The following IL1RAPL2 variants were observed in gnomAD, a reference collection of about 807,000 sequenced individuals.
IL1RAPL2 encodes interleukin 1 receptor accessory protein like 2, also known as X-linked interleukin-1 receptor accessory protein-like 2.
A neutral mutation model predicts 44.1 loss-of-function variants in IL1RAPL2; 3 were observed. That is an observed-to-expected ratio of 0.07 (90% CI 0.03 to 0.18). The LOEUF is 0.18. IL1RAPL2 is among the 10% of genes least tolerant of loss of function. IL1RAPL2 has a pLI of 1.00. For missense variants in IL1RAPL2, 391 were observed against 496.4 expected (o/e 0.79, Z 2.02); for synonymous variants, 181 against 178.8 (o/e 1.01, Z -0.10).
At chrX:104,568,558 T>G (rs951829425) in intron 1 of IL1RAPL2, among the ~76,000 whole-genome samples, 2 of 111,682 alleles carry the variant, frequency 1.8e-5, no homozygotes, top group Non-Finnish European at 3.8e-5. Flanking sequence ...TAGCCCACAA[T>G]TACCCGCCGT....
intron 1 of IL1RAPL2, among the ~76,000 whole-genome samples, chrX:104,592,784 G>A (rs1928693809): frequency 1.8e-5 from 2 of 111,740 alleles, no homozygotes; most frequent in Admixed American, 9.5e-5. Context: ...AAACATAGCC[G>A]GTTCCATTTT....
intron 4 of IL1RAPL2, among the ~76,000 whole-genome samples, chrX:105,248,027 T>C (rs777467277): frequency 9.0e-6 from 1 of 111,318 alleles, no homozygotes; most frequent in South Asian, 3.7e-4. Flanking sequence ...CTTCTACAGG[T>C]CTAATTCATT....
chrX:105,762,136 A>G (rs1264189869), intron 10 of IL1RAPL2, among the ~76,000 whole-genome samples: 1 of 111,844 alleles, frequency 8.9e-6, no homozygotes, highest in Admixed American at 9.5e-5. Context: ...TTCCTCCTTC[A>G]GTTTGCCTTT....
chrX:105,499,409 C>T (rs762272172), intron 6 of IL1RAPL2, among the ~76,000 whole-genome samples: 2 of 110,715 alleles, frequency 1.8e-5, no homozygotes, highest in South Asian at 3.8e-4. Context: ...AAAACTGAAA[C>T]GCTTCTATGC....
intron 5 of IL1RAPL2, among the ~76,000 whole-genome samples, chrX:105,292,889 G>A (rs1049048962): frequency 2.7e-5 from 3 of 109,570 alleles, no homozygotes; most frequent in Non-Finnish European, 3.8e-5. Context: ...CAAGGCAGGC[G>A]GATCACAAGG....
At chrX:104,672,732 A>G (rs1355600893) in intron 2 of IL1RAPL2, among the ~76,000 whole-genome samples, 1 of 103,888 alleles carries the variant, frequency 9.6e-6, no homozygotes, top group African/African-American at 3.5e-5. Flanking sequence ...AAGTGTTCCT[A>G]TTTCTCCACA....
chrX:105,697,558 T>G (rs1487254201), intron 6 of IL1RAPL2, among the ~76,000 whole-genome samples: 1 of 110,523 alleles, frequency 9.0e-6, no homozygotes, highest in African/African-American at 3.3e-5. Context: ...GCTTGGGAAC[T>G]ATAGCGGACA....
chrX:105,044,311 C>T (rs1414283905), intron 2 of IL1RAPL2, among the ~76,000 whole-genome samples: 1 of 110,869 alleles, frequency 9.0e-6, no homozygotes, highest in Non-Finnish European at 1.9e-5. Context: ...TATTTAAAGA[C>T]GAATGTGGTT....
intron 5 of IL1RAPL2, among the ~76,000 whole-genome samples, chrX:105,467,334 C>T (rs1398706022): frequency 1.8e-5 from 2 of 111,500 alleles, no homozygotes; most frequent in Non-Finnish European, 3.8e-5. Flanking sequence ...TGACTTCCAT[C>T]ATCTCCATCA....
chrX:105,310,421 T>C (rs993896988), intron 5 of IL1RAPL2, among the ~76,000 whole-genome samples: 1 of 111,506 alleles, frequency 9.0e-6, no homozygotes, highest in Admixed American at 9.6e-5. Flanking sequence ...ACTGCTGGAC[T>C]GAATTGATTT....
intron 1 of IL1RAPL2, among the ~76,000 whole-genome samples, chrX:104,568,887 G>A (rs1928092710): frequency 1.8e-5 from 2 of 111,721 alleles, no homozygotes; most frequent in African/African-American, 6.5e-5. Context: ...TGCTGGACCC[G>A]ATGCGGAGAC....
chrX:104,895,376 C>T (rs1024573548), intron 2 of IL1RAPL2, among the ~76,000 whole-genome samples: 2 of 112,757 alleles, frequency 1.8e-5, no homozygotes, highest in Non-Finnish European at 3.8e-5. Flanking sequence ...ATGCCCTGCC[C>T]CCAGAAGGGG....
At chrX:105,599,568 C>CAAAG (rs2037235682) in intron 6 of IL1RAPL2, among the ~76,000 whole-genome samples, 1 of 110,570 alleles carries the variant, frequency 9.0e-6, no homozygotes, top group Non-Finnish European at 1.9e-5. Flanking sequence ...TAGGAGGCAC[C>CAAAG]AAAGAACTTA....
intron 2 of IL1RAPL2, among the ~76,000 whole-genome samples, chrX:105,126,366 C>T (rs1213484453): frequency 9.0e-6 from 1 of 110,552 alleles, no homozygotes; most frequent in African/African-American, 3.3e-5. Flanking sequence ...ACATCCACAG[C>T]TTTCTCTCTG....
intron 2 of IL1RAPL2, among the ~76,000 whole-genome samples, chrX:105,074,525 C>G (rs1389562065): frequency 1.8e-5 from 2 of 110,383 alleles, no homozygotes; most frequent in Non-Finnish European, 1.9e-5. Flanking sequence ...GCAATGCTGG[C>G]TCTTTTTTGG....
chrX:104,572,425 A>G (rs759965590), intron 1 of IL1RAPL2, among the ~76,000 whole-genome samples: 80 of 111,914 alleles, frequency 7.1e-4, no homozygotes, highest in African/African-American at 2.6e-3. Flanking sequence ...TTTGTTATAT[A>G]TCTTTTGTGC....
intron 6 of IL1RAPL2, among the ~76,000 whole-genome samples, chrX:105,690,534 C>A (rs377018987): frequency 9.0e-6 from 1 of 111,602 alleles, no homozygotes; most frequent in Non-Finnish European, 1.9e-5. Context: ...AGACATAGGT[C>A]TTTTATTAAG....
intron 2 of IL1RAPL2, among the ~76,000 whole-genome samples, chrX:104,953,551 G>C (rs2147711988): frequency 9.0e-6 from 1 of 111,214 alleles, no homozygotes; most frequent in Non-Finnish European, 1.9e-5. Context: ...ATGCACCCAG[G>C]CTCAGAAAGA....
At chrX:104,914,976 T>G (rs1924368723) in intron 2 of IL1RAPL2, among the ~76,000 whole-genome samples, 1 of 111,763 alleles carries the variant, frequency 8.9e-6, no homozygotes, top group Non-Finnish European at 1.9e-5. Flanking sequence ...AGTTGGACAT[T>G]TGGGTTGGTT....
Sources: gnomAD v4.1 joint callset for allele counts (sites outside exome capture counted in the v4.1 genomes callset) on GRCh38, gnomAD v4.1.1 for gene constraint, MANE v1.5 for transcripts, NCBI Gene and HGNC (gene_info 2026-07-23, HGNC 2026-07-21) for gene names.